The following PABPC4L variants were observed in gnomAD, a reference collection of about 807,000 sequenced individuals.
PABPC4L encodes polyadenylate-binding protein 4-like.
For missense variants in PABPC4L, 452 were observed against 451.4 expected (o/e 1.00, Z -0.01); for synonymous variants, 169 against 164.1 (o/e 1.03, Z -0.23).
the PABPC4L span, among the ~76,000 whole-genome samples, chr4:134,012,073 G>A: frequency 1.3e-5 from 2 of 152,004 alleles, no homozygotes; most frequent in East Asian, 3.9e-4. Context: ...TTGGGCTTTA[G>A]AGTCTGTCTA....
chr4:134,177,927 G>T, the PABPC4L span, among the ~76,000 whole-genome samples: 1 of 151,882 alleles, frequency 6.6e-6, no homozygotes, highest in Non-Finnish European at 1.5e-5. Context: ...AGAATTTCCA[G>T]CCTAGCAACC....
the PABPC4L span, among the ~76,000 whole-genome samples, chr4:133,979,807 T>G: frequency 7.9e-5 from 12 of 152,284 alleles, no homozygotes; most frequent in Middle Eastern, 3.4e-3. Flanking sequence ...AAATATTAAT[T>G]TTGGCATGAA....
the PABPC4L span, among the ~76,000 whole-genome samples, chr4:134,109,638 A>AC: frequency 2.0e-5 from 3 of 152,040 alleles, no homozygotes. Context: ...AAAAAAATTA[A>AC]TAAAAAAATT....
chr4:134,004,570 C>T, the PABPC4L span, among the ~76,000 whole-genome samples: 4 of 151,678 alleles, frequency 2.6e-5, no homozygotes, highest in African/African-American at 9.7e-5. Context: ...ATGGAGGTTC[C>T]TCAGAAAATT....
the PABPC4L span, among the ~76,000 whole-genome samples, chr4:134,012,565 AG>A: frequency 1.3e-5 from 2 of 152,156 alleles, no homozygotes; most frequent in Non-Finnish European, 1.5e-5. Context: ...GGTGATTAAA[AG>A]CTTTATTGCT....
the PABPC4L span, among the ~76,000 whole-genome samples, chr4:134,000,708 T>C: frequency 6.6e-5 from 10 of 152,214 alleles, no homozygotes; most frequent in African/African-American, 1.7e-4. Context: ...AGTCAACCCA[T>C]TGAGGACGTG....
chr4:134,078,164 A>C, the PABPC4L span, among the ~76,000 whole-genome samples: 1 of 152,214 alleles, frequency 6.6e-6, no homozygotes, highest in Non-Finnish European at 1.5e-5. Flanking sequence ...AAGCTTACAT[A>C]AGTATCTCTA....
At chr4:133,986,013 G>A in the PABPC4L span, among the ~76,000 whole-genome samples, 2 of 151,894 alleles carry the variant, frequency 1.3e-5, no homozygotes, top group Admixed American at 6.6e-5. Flanking sequence ...TGTACACATC[G>A]AGAATACTCA....
At chr4:133,960,664 C>A in the PABPC4L span, among the ~76,000 whole-genome samples, 6 of 152,104 alleles carry the variant, frequency 3.9e-5, no homozygotes, top group Non-Finnish European at 7.3e-5. Flanking sequence ...GGCAGGTATC[C>A]TGGGGCAAGT....
At chr4:133,990,500 A>G in the PABPC4L span, among the ~76,000 whole-genome samples, 1 of 152,008 alleles carries the variant, frequency 6.6e-6, no homozygotes, top group Non-Finnish European at 1.5e-5. Context: ...TGTCTGGCAG[A>G]CTCTGGCTGA....
the PABPC4L span, among the ~76,000 whole-genome samples, chr4:133,948,560 A>G: frequency 6.6e-6 from 1 of 152,232 alleles, no homozygotes; most frequent in South Asian, 2.1e-4. Flanking sequence ...CATATTCCCT[A>G]TGGAGAATGA....
chr4:134,133,299 T>C, the PABPC4L span, among the ~76,000 whole-genome samples: 1 of 140,968 alleles, frequency 7.1e-6, no homozygotes, highest in East Asian at 2.0e-4. Flanking sequence ...GATATATTAA[T>C]TATATACAAA....
the PABPC4L span, among the ~76,000 whole-genome samples, chr4:134,055,583 A>T: frequency 6.7e-6 from 1 of 149,938 alleles, no homozygotes; most frequent in Non-Finnish European, 1.5e-5. Context: ...GTACTAGAAG[A>T]CTAATACATA....
chr4:134,000,939 G>A, the PABPC4L span, among the ~76,000 whole-genome samples: 6 of 151,924 alleles, frequency 3.9e-5, no homozygotes, highest in Non-Finnish European at 8.8e-5. Flanking sequence ...AGACTTCTTG[G>A]CTTCCATAAT....
At chr4:133,988,414 A>G in the PABPC4L span, among the ~76,000 whole-genome samples, 1 of 152,218 alleles carries the variant, frequency 6.6e-6, no homozygotes, top group Non-Finnish European at 1.5e-5. Context: ...ATCCACTCCA[A>G]ATTGGAGAAA....
the PABPC4L span, among the ~76,000 whole-genome samples, chr4:134,062,677 TATG>T: frequency 1.3e-5 from 2 of 152,146 alleles, no homozygotes; most frequent in Non-Finnish European, 2.9e-5. Context: ...AAATCAATTT[TATG>T]ATATTTTACT....
chr4:134,191,085 T>C, the PABPC4L span, among the ~76,000 whole-genome samples: 2 of 152,304 alleles, frequency 1.3e-5, no homozygotes, highest in African/African-American at 4.8e-5. Flanking sequence ...AAATATTCAG[T>C]ATGATATTCA....
the PABPC4L span, among the ~76,000 whole-genome samples, chr4:133,992,791 A>G: frequency 6.6e-6 from 1 of 152,160 alleles, no homozygotes; most frequent in African/African-American, 2.4e-5. Flanking sequence ...TGAATGGTGA[A>G]TGGTGTCTGT....
chr4:134,136,654 G>T, the PABPC4L span, among the ~76,000 whole-genome samples: 1 of 151,928 alleles, frequency 6.6e-6, no homozygotes, highest in Non-Finnish European at 1.5e-5. Context: ...TTGGACATCT[G>T]CATTCTAGAA....
Sources: allele counts gnomAD v4.1 joint callset (sites outside exome capture counted in the v4.1 genomes callset), GRCh38; gene constraint gnomAD v4.1.1; transcripts MANE v1.5; gene names NCBI Gene and HGNC (gene_info 2026-07-23, HGNC 2026-07-21).